The following NR6A1 variants were observed in gnomAD, a reference collection of about 807,000 sequenced individuals.
NR6A1 encodes retinoic acid receptor-related testis-associated receptor.
Under a neutral mutation model 59.1 loss-of-function variants are expected in NR6A1, and 7 were observed. The observed-to-expected ratio is 0.12, with a 90% CI of 0.07 to 0.22. The LOEUF is 0.22. Ranked by LOEUF, NR6A1 falls within the 10% of genes least tolerant of loss-of-function variation. NR6A1 has a pLI of 1.00. For missense variants in NR6A1, 468 were observed against 611.6 expected (o/e 0.77, Z 2.48); for synonymous variants, 243 against 236.1 (o/e 1.03, Z -0.27).
chr9:124,742,019 A>C (rs1212111681), intron 1 of NR6A1, among the ~76,000 whole-genome samples: 1 of 152,232 alleles, frequency 6.6e-6, no homozygotes, highest in African/African-American at 2.4e-5. Context: ...GCAGCATGTG[A>C]AAGCACTAAA....
chr9:124,616,812 T>C (rs536691420), intron 2 of NR6A1, among the ~76,000 whole-genome samples: 39 of 152,250 alleles, frequency 2.6e-4, no homozygotes, highest in African/African-American at 9.1e-4. Flanking sequence ...TCTCATCAGA[T>C]TGGCAAAAAA....
At chr9:124,720,444 G>A (rs1476073896) in intron 2 of NR6A1, among the ~76,000 whole-genome samples, 1 of 152,190 alleles carries the variant, frequency 6.6e-6, no homozygotes, top group African/African-American at 2.4e-5. Flanking sequence ...ACTACACTTA[G>A]GACATGGAAT....
chr9:124,750,341 T>C (rs548199839), intron 1 of NR6A1, among the ~76,000 whole-genome samples: 5 of 152,198 alleles, frequency 3.3e-5, no homozygotes, highest in African/African-American at 4.8e-5. Context: ...AAGGGTCTCT[T>C]TGCTTCCTTG....
At chr9:124,577,149 T>C (rs1158242410) in intron 2 of NR6A1, among the ~76,000 whole-genome samples, 2 of 152,228 alleles carry the variant, frequency 1.3e-5, no homozygotes, top group Non-Finnish European at 2.9e-5. Flanking sequence ...GGAAATATCT[T>C]CCATAAATTT....
intron 2 of NR6A1, chr9:124,698,218 T>C (rs1170100334): frequency 6.6e-6 from 1 of 152,236 alleles, no homozygotes; most frequent in Non-Finnish European, 1.5e-5. Context: ...TTTTAAATCA[T>C]GTCTTTCTAC....
chr9:124,731,780 A>ATACAT (rs1328818503), intron 2 of NR6A1, among the ~76,000 whole-genome samples: 1 of 152,232 alleles, frequency 6.6e-6, no homozygotes, highest in Non-Finnish European at 1.5e-5. Flanking sequence ...TATAGAATAT[A>ATACAT]ATACATATAA....
At chr9:124,665,572 G>C (rs1837587263) in intron 2 of NR6A1, among the ~76,000 whole-genome samples, 1 of 152,182 alleles carries the variant, frequency 6.6e-6, no homozygotes, top group African/African-American at 2.4e-5. Context: ...GGTATGAAAT[G>C]ATGTTGCAGG....
chr9:124,559,357 T>C (rs1588666026), intron 2 of NR6A1, among the ~76,000 whole-genome samples: 1 of 152,324 alleles, frequency 6.6e-6, no homozygotes, highest in East Asian at 1.9e-4. Flanking sequence ...TTCAAAGGCT[T>C]TTCTTTATAT....
intron 2 of NR6A1, among the ~76,000 whole-genome samples, chr9:124,600,974 A>G (rs1588700768): frequency 1.3e-5 from 2 of 149,678 alleles, no homozygotes; most frequent in Non-Finnish European, 3.0e-5. Context: ...AAGACTACAG[A>G]GTGTGCTTTA....
At chr9:124,755,935 A>G (rs909352103) in intron 1 of NR6A1, among the ~76,000 whole-genome samples, 14 of 152,220 alleles carry the variant, frequency 9.2e-5, no homozygotes, top group African/African-American at 2.9e-4. Flanking sequence ...AGATCTTTTC[A>G]GCAAATCTGA....
intron 2 of NR6A1, among the ~76,000 whole-genome samples, chr9:124,679,783 G>GCTTCAA (rs1354462710): frequency 6.6e-6 from 1 of 151,682 alleles, no homozygotes; most frequent in Admixed American, 6.6e-5. Context: ...TTTAATCTCA[G>GCTTCAA]CTTCATGGGT....
chr9:124,547,432 TA>T (rs1362009423), intron 3 of NR6A1, among the ~76,000 whole-genome samples: 1 of 152,324 alleles, frequency 6.6e-6, no homozygotes, highest in East Asian at 1.9e-4. Flanking sequence ...TGCTATACCC[TA>T]CATGTAGATA....
rs964543445 is a variant in NR6A1, at chr9:124,676,458, A to G, written c.142+56850T>C. Among the ~76,000 whole-genome samples, 26 of 152,130 alleles carry G rather than the reference A, an allele frequency of 1.7e-4. 1 individual carries two copies. Among genetic ancestry groups the G allele is most frequent in the East Asian group, 5.8e-4 (3 of 5,188 alleles). On this transcript the variant is annotated intron_variant, in intron 2 of 9. Coordinates refer to ENST00000487099, the MANE Select transcript of NR6A1 (RefSeq NM_033334.4). ...TTTTATTTAAAAAAAAAAATGACCT[A>G]CATATAGCCTCTTTTCATGCCACAG...
chr9:124,692,568 T>C, intron 2 of NR6A1: 1 of 487,900 alleles, frequency 2.0e-6, no homozygotes, highest in Non-Finnish European at 4.3e-6. Context: ...ACACTACATT[T>C]CCTGAAGCAA....
At chr9:124,588,140 G>A (rs1834988912) in intron 2 of NR6A1, among the ~76,000 whole-genome samples, 1 of 152,156 alleles carries the variant, frequency 6.6e-6, no homozygotes, top group Non-Finnish European at 1.5e-5. Context: ...GTCAGCATAT[G>A]ATATATGATG....
chr9:124,709,613 G>A (rs1839218511), intron 2 of NR6A1, among the ~76,000 whole-genome samples: 1 of 152,102 alleles, frequency 6.6e-6, no homozygotes, highest in Non-Finnish European at 1.5e-5. Flanking sequence ...TCAATTGCAT[G>A]CTCTGCCATT....
intron 2 of NR6A1, among the ~76,000 whole-genome samples, chr9:124,575,274 G>A (rs1168825580): frequency 1.3e-5 from 2 of 152,140 alleles, no homozygotes; most frequent in African/African-American, 4.8e-5. Context: ...AAACTGCCTG[G>A]ATTAAAACCT....
chr9:124,704,995 C>G (rs1170261235), intron 2 of NR6A1, among the ~76,000 whole-genome samples: 1 of 152,196 alleles, frequency 6.6e-6, no homozygotes, highest in Non-Finnish European at 1.5e-5. Context: ...CTTGGCCTCC[C>G]AAAGTGCTGG....
chr9:124,771,150 G>A lies in NR6A1; in HGVS notation c.-31C>T, dbSNP rs1841148451. 3.4e-6 allele frequency: 4 copies of A among 1,170,094 alleles called. No individual in the cohort carries two copies. The highest frequency in any genetic ancestry group is 4.3e-5 in the South Asian group (1 of 23,118). 72.5% of individuals were successfully genotyped at this position (1,170,094 alleles called of 1,614,324 possible). On this transcript the variant is annotated 5_prime_UTR_variant, in exon 1 of 10. The change creates a premature stop within an existing upstream ORF in the 5' untranslated region. Coordinates refer to ENST00000487099, the MANE Select transcript of NR6A1 (RefSeq NM_033334.4). ...GGTGCCTAGGGTCCGCGCCGGGTTT[G>A]TTGCTCCGCCATGACCGGCGCCCTA...
Sources: allele counts gnomAD v4.1 joint callset (sites outside exome capture counted in the v4.1 genomes callset), GRCh38; gene constraint gnomAD v4.1.1; transcripts MANE v1.5; gene names NCBI Gene and HGNC (gene_info 2026-07-23, HGNC 2026-07-21).